The following CSMD1 variants were observed in gnomAD, a reference collection of about 807,000 sequenced individuals.
The protein encoded by CSMD1 is CUB and Sushi multiple domains 1.
Under a neutral mutation model 417.5 loss-of-function variants are expected in CSMD1, and 213 were observed. The ratio of observed to expected loss-of-function variants is 0.51; its 90% CI spans 0.46 to 0.57. The LOEUF (loss-of-function observed/expected upper bound fraction) is 0.57, where lower values mean the gene tolerates loss of function less well. Among genes scored for constraint, CSMD1 ranks in the 20% least tolerant of loss-of-function variants. The pLI is 0.00. For synonymous variants in CSMD1, 2,862 were observed against 1,736.8 expected (o/e 1.65, Z -16.11); for missense variants, 6,923 against 4,529.7 (o/e 1.53, Z -15.17).
At chr8:4,455,601 A>G (rs13279154) in intron 2 of CSMD1, among the ~76,000 whole-genome samples, 5,973 of 152,076 alleles carry the variant, frequency 0.039, 173 homozygotes, top group Non-Finnish European at 0.06. Flanking sequence ...TGAATTTTTA[A>G]ATCATCTTAT....
At chr8:4,675,550 T>C (rs1362022739) in intron 1 of CSMD1, among the ~76,000 whole-genome samples, 1 of 152,144 alleles carries the variant, frequency 6.6e-6, no homozygotes, top group Non-Finnish European at 1.5e-5. Flanking sequence ...TGGTTTGATA[T>C]TTCAATGTAG....
At chr8:3,292,781 A>G (rs1337599510) in intron 25 of CSMD1, among the ~76,000 whole-genome samples, 4 of 152,090 alleles carry the variant, frequency 2.6e-5, no homozygotes, top group South Asian at 2.1e-4. Context: ...TTTTTATGCA[A>G]TTTGCCAGTC....
chr8:3,524,016 C>T (rs1275291557), intron 10 of CSMD1, among the ~76,000 whole-genome samples: 1 of 134,910 alleles, frequency 7.4e-6, no homozygotes, highest in Admixed American at 7.4e-5. Flanking sequence ...CACATGTGCA[C>T]GTGCACACAC....
intron 5 of CSMD1, among the ~76,000 whole-genome samples, chr8:3,762,267 A>T (rs1369338568): frequency 6.6e-6 from 1 of 152,100 alleles, no homozygotes; most frequent in African/African-American, 2.4e-5. Flanking sequence ...GGAGATCAGC[A>T]GAAATATCTG....
intron 3 of CSMD1, among the ~76,000 whole-genome samples, chr8:4,273,637 A>C (rs900542951): frequency 3.3e-5 from 5 of 152,198 alleles, no homozygotes; most frequent in African/African-American, 1.2e-4. Flanking sequence ...TTTTATCTAG[A>C]AACTCTAATA....
At chr8:4,566,781 A>G (rs1473599542) in intron 2 of CSMD1, among the ~76,000 whole-genome samples, 1 of 152,164 alleles carries the variant, frequency 6.6e-6, no homozygotes, top group Non-Finnish European at 1.5e-5. Context: ...TTTAATGAAT[A>G]AAATCGTATG....
intron 3 of CSMD1, among the ~76,000 whole-genome samples, chr8:4,245,803 C>CA (rs1365756190): frequency 2.0e-5 from 3 of 152,138 alleles, no homozygotes; most frequent in South Asian, 4.2e-4. Flanking sequence ...CAAAATTAGG[C>CA]AAAAAATTAT....
intron 28 of CSMD1, among the ~76,000 whole-genome samples, chr8:3,221,023 TG>T (rs1163312140): frequency 2.1e-5 from 3 of 143,010 alleles, no homozygotes; most frequent in African/African-American, 7.7e-5. Flanking sequence ...TCAGGGTTTT[TG>T]CTTGTTGGTT....
intron 5 of CSMD1, among the ~76,000 whole-genome samples, chr8:3,957,017 G>A (rs765841306): frequency 6.6e-6 from 1 of 152,034 alleles, no homozygotes; most frequent in African/African-American, 2.4e-5. Flanking sequence ...CATGGAAGTA[G>A]AGAGTGACAG....
intron 1 of CSMD1, among the ~76,000 whole-genome samples, chr8:4,649,060 G>T (rs1284942718): frequency 6.6e-6 from 1 of 152,058 alleles, no homozygotes; most frequent in East Asian, 1.9e-4. Flanking sequence ...GGCTTCAGTT[G>T]GTATATTTGC....
At chr8:4,449,258 G>A (rs563339622) in intron 2 of CSMD1, among the ~76,000 whole-genome samples, 1 of 152,244 alleles carries the variant, frequency 6.6e-6, no homozygotes, top group African/African-American at 2.4e-5. Flanking sequence ...CACTCAGGTT[G>A]TAACTATTGA....
At chr8:4,927,644 T>C (rs985520250) in intron 1 of CSMD1, among the ~76,000 whole-genome samples, 1 of 152,212 alleles carries the variant, frequency 6.6e-6, no homozygotes, top group African/African-American at 2.4e-5. Flanking sequence ...GGCATCTACA[T>C]TGGTATAATT....
At chr8:4,084,052 T>G (rs10092875) in intron 3 of CSMD1, among the ~76,000 whole-genome samples, 20,190 of 152,214 alleles carry the variant, frequency 0.13, 1,520 homozygotes, top group East Asian at 0.28. Context: ...TTAAAATTAG[T>G]AGATCAAATG....
intron 41 of CSMD1, among the ~76,000 whole-genome samples, chr8:3,126,894 C>A (rs1013233794): frequency 6.6e-6 from 1 of 152,118 alleles, no homozygotes; most frequent in African/African-American, 2.4e-5. Flanking sequence ...AGGCTTGCAG[C>A]AAGTGGAATG....
chr8:3,843,190 T>C (rs1014224200), intron 5 of CSMD1, among the ~76,000 whole-genome samples: 2 of 152,198 alleles, frequency 1.3e-5, no homozygotes, highest in Non-Finnish European at 2.9e-5. Context: ...AAATTGTTTG[T>C]TTCCTTGAAA....
chr8:3,810,512 G>C (rs1056778412), intron 5 of CSMD1, among the ~76,000 whole-genome samples: 9 of 152,096 alleles, frequency 5.9e-5, no homozygotes, highest in African/African-American at 2.2e-4. Context: ...TCATGGAAGA[G>C]GTCAGAATGG....
At chr8:3,562,136 A>AAG (rs983052355) in intron 10 of CSMD1, among the ~76,000 whole-genome samples, 33 of 94,400 alleles carry the variant, frequency 3.5e-4, no homozygotes, top group African/African-American at 9.6e-4. Flanking sequence ...CCAACCCACA[A>AAG]AAAAAAAAAA....
At chr8:3,152,757 AGGCGACTTCTTTGT>A (rs991313960) in intron 39 of CSMD1, among the ~76,000 whole-genome samples, 1 of 152,196 alleles carries the variant, frequency 6.6e-6, no homozygotes, top group Non-Finnish European at 1.5e-5. Context: ...TAACCTCTCA[AGGCGACTTCTTTGT>A]GGCAGAGACT....
intron 3 of CSMD1, among the ~76,000 whole-genome samples, chr8:4,079,958 TAA>T (rs1800040133): frequency 6.7e-6 from 1 of 148,712 alleles, no homozygotes. Context: ...AAAAATAATA[TAA>T]AAAATAATTT....
Sources: allele counts gnomAD v4.1 joint callset (sites outside exome capture counted in the v4.1 genomes callset), GRCh38; gene constraint gnomAD v4.1.1; transcripts MANE v1.5; gene names NCBI Gene and HGNC (gene_info 2026-07-23, HGNC 2026-07-21).